Variants in SMCO2 observed in about 807,000 individuals in gnomAD.
SMCO2 encodes single-pass membrane protein with coiled-coil domains 2, also known as single-pass membrane and coiled-coil domain-containing protein 2.
In SMCO2, 25 loss-of-function variants were observed where a neutral mutation model predicts 29.5. That is an observed-to-expected ratio of 0.85 (90% confidence interval 0.62 to 1.18). SMCO2 has a LOEUF of 1.18. Ranked by LOEUF, SMCO2 falls within the 50% of genes most tolerant of loss-of-function variation. The probability of loss-of-function intolerance (pLI) is 0.00; values close to 1 mark genes in which losing one functional copy is unlikely to be tolerated. For missense variants in SMCO2, 348 were observed against 344.5 expected, an observed-to-expected ratio of 1.01 and a Z score of -0.08; for synonymous variants, 117 against 123.3, an observed-to-expected ratio of 0.95 and a Z score of 0.34.
chr12:27,425,066 T>A, the SMCO2 span: 1 of 152,214 alleles, frequency 6.6e-6, no homozygotes, highest in Non-Finnish European at 1.5e-5. Context: ...GAACATGCTT[T>A]CTGAACTCAC....
intron 4 of SMCO2, among the ~76,000 whole-genome samples, chr12:27,486,825 A>G (rs405862): frequency 0.12 from 18,575 of 152,158 alleles, 2,158 homozygotes; most frequent in African/African-American, 0.29. Flanking sequence ...ACTAGAAGGT[A>G]AATATGAAAC....
chr12:27,459,550 T>A, the SMCO2 span, among the ~76,000 whole-genome samples: 9,506 of 152,184 alleles, frequency 0.062, 881 homozygotes, highest in African/African-American at 0.2. Context: ...CAAAATAACC[T>A]GTACACACAA....
the SMCO2 span, among the ~76,000 whole-genome samples, chr12:27,443,052 A>T: frequency 1.3e-5 from 2 of 152,334 alleles, no homozygotes; most frequent in African/African-American, 4.8e-5. Context: ...CAGAGAAGAA[A>T]ATACCACAAA....
chr12:27,491,780 T>G (rs1382430000), intron 5 of SMCO2, among the ~76,000 whole-genome samples: 2 of 151,872 alleles, frequency 1.3e-5, no homozygotes, highest in African/African-American at 4.8e-5. Context: ...CTCGGCTCAC[T>G]GCAACCTCCG....
the SMCO2 span, among the ~76,000 whole-genome samples, chr12:27,431,603 A>G: frequency 3.9e-5 from 6 of 152,134 alleles, no homozygotes; most frequent in Non-Finnish European, 5.9e-5. Flanking sequence ...TTGAGGCTGC[A>G]TAATATTCCA....
intron 4 of SMCO2, among the ~76,000 whole-genome samples, chr12:27,484,044 T>C (rs548941886): frequency 2.0e-5 from 3 of 152,354 alleles, no homozygotes; most frequent in Admixed American, 6.5e-5. Context: ...TTCATTTGTA[T>C]GCATACAATC....
chr12:27,430,235 T>G, the SMCO2 span, among the ~76,000 whole-genome samples: 1 of 152,226 alleles, frequency 6.6e-6, no homozygotes, highest in Non-Finnish European at 1.5e-5. Context: ...TGATTGTCTG[T>G]TCTTTCACCA....
At chr12:27,450,633 A>G in the SMCO2 span, among the ~76,000 whole-genome samples, 1 of 152,254 alleles carries the variant, frequency 6.6e-6, no homozygotes, top group East Asian at 1.9e-4. Context: ...AGTGCTGCCA[A>G]TCTTTATCTA....
chr12:27,479,076 GTGTCAGTGGCTA>G (rs1949616954), intron 4 of SMCO2, among the ~76,000 whole-genome samples: 1 of 152,220 alleles, frequency 6.6e-6, no homozygotes, highest in Non-Finnish European at 1.5e-5. Context: ...GTGTATGTGG[GTGTCAGTGGCTA>G]TGGGTGGAGC....
the SMCO2 span, among the ~76,000 whole-genome samples, chr12:27,455,053 G>A: frequency 6.6e-6 from 1 of 152,116 alleles, no homozygotes; most frequent in Non-Finnish European, 1.5e-5. Flanking sequence ...TACATAGAAA[G>A]CATTTAACAG....
rs1263763173 is a variant in SMCO2, at chr12:27,500,802, G to A, written c.684-1121G>A. Among the ~76,000 whole-genome samples, 2 of 150,576 alleles carry A rather than the reference G, an allele frequency of 1.3e-5. 1 individual carries two copies. Among genetic ancestry groups the A allele is most frequent in the Admixed American group, 1.3e-4 (2 of 15,172 alleles). On this transcript the variant is annotated intron_variant, in intron 7 of 7. Coordinates refer to ENST00000298876, the Ensembl canonical transcript of SMCO2. ...ATGTGTGAAGTGAAAGCAATTATGT[G>A]TGTAACTGCCAAGTGATAGCCAGTG... is the stretch of plus-strand genomic sequence containing the variant.
At chr12:27,472,490 C>T (rs413865) in intron 2 of SMCO2, among the ~76,000 whole-genome samples, 114,723 of 151,522 alleles carry the variant, frequency 0.76, 43,655 homozygotes, top group Middle Eastern at 0.88. Context: ...TGTGCACACT[C>T]ATTTATACAT....
chr12:27,500,726 C>G (rs1285111190), intron 7 of SMCO2, among the ~76,000 whole-genome samples: 1 of 150,614 alleles, frequency 6.6e-6, no homozygotes, highest in Non-Finnish European at 1.5e-5. Context: ...GTTATCAGCT[C>G]TCTAAGCCCC....
At chr12:27,468,664 A>G (rs1333475649) in intron 1 of SMCO2, among the ~76,000 whole-genome samples, 1 of 152,218 alleles carries the variant, frequency 6.6e-6, no homozygotes, top group Non-Finnish European at 1.5e-5. Context: ...AGGAAGTTCT[A>G]TTGGAGAGCC....
chr12:27,490,149 C>T (rs446585), intron 5 of SMCO2, among the ~76,000 whole-genome samples: 18,677 of 152,154 alleles, frequency 0.12, 2,215 homozygotes, highest in African/African-American at 0.29. Context: ...CTGCAGTACA[C>T]GTACGTGATG....
the SMCO2 span, among the ~76,000 whole-genome samples, chr12:27,430,217 A>C: frequency 6.6e-6 from 1 of 152,176 alleles, no homozygotes; most frequent in South Asian, 2.1e-4. Context: ...CAGGGAGTTG[A>C]ATTAATGTGA....
chr12:27,441,153 G>A, the SMCO2 span, among the ~76,000 whole-genome samples: 1 of 152,174 alleles, frequency 6.6e-6, no homozygotes, highest in Admixed American at 6.5e-5. Flanking sequence ...CAGCTACTTG[G>A]GAGGCTGAGA....
chr12:27,425,925 T>C, the SMCO2 span, among the ~76,000 whole-genome samples: 1 of 152,210 alleles, frequency 6.6e-6, no homozygotes, highest in Non-Finnish European at 1.5e-5. Context: ...AAAGTTTATT[T>C]TAATTTATTT....
intron 4 of SMCO2, among the ~76,000 whole-genome samples, chr12:27,484,993 T>G (rs1283193564): frequency 2.0e-5 from 3 of 151,588 alleles, no homozygotes; most frequent in African/African-American, 7.2e-5. Flanking sequence ...GTTTGTAGTT[T>G]AAATTTGGAA....
Sources: allele counts gnomAD v4.1 joint callset (sites outside exome capture counted in the v4.1 genomes callset), GRCh38; gene constraint gnomAD v4.1.1; transcripts MANE v1.5; gene names NCBI Gene and HGNC (gene_info 2026-07-23, HGNC 2026-07-21).